ASAP1: variants seen among roughly 807,000 people sequenced by gnomAD.
ASAP1 encodes the protein ArfGAP with SH3 domain, ankyrin repeat and PH domain 1, also known as arf-GAP with SH3 domain, ANK repeat and PH domain-containing protein 1.
A neutral mutation model predicts 145.2 loss-of-function variants in ASAP1; 43 were observed. The observed-to-expected ratio is 0.30, with a 90% CI of 0.23 to 0.38. ASAP1 has a LOEUF of 0.38. ASAP1 is among the 10% of genes least tolerant of loss of function. ASAP1 has a pLI of 1.00. For missense variants in ASAP1, 1,018 were observed against 1,355.3 expected (o/e 0.75, Z 3.91); for synonymous variants, 546 against 515.5 (o/e 1.06, Z -0.80).
intron 3 of ASAP1, among the ~76,000 whole-genome samples, chr8:130,352,725 G>A (rs998515800): frequency 2.0e-5 from 3 of 152,230 alleles, no homozygotes; most frequent in African/African-American, 7.2e-5. Context: ...ATTGATGATA[G>A]TAGGGTGAAA....
At chr8:130,385,137 G>A (rs779662740) in intron 2 of ASAP1, among the ~76,000 whole-genome samples, 10 of 152,280 alleles carry the variant, frequency 6.6e-5, no homozygotes, top group Admixed American at 2.0e-4. Flanking sequence ...CAGAAGGCAC[G>A]TTGCTAGCTG....
intron 5 of ASAP1, among the ~76,000 whole-genome samples, chr8:130,205,110 T>A (rs1406658253): frequency 6.6e-6 from 1 of 152,218 alleles, no homozygotes. Flanking sequence ...TCTTTTCTTA[T>A]GGTCAATGAA....
chr8:130,337,802 C>T (rs906010877), intron 3 of ASAP1, among the ~76,000 whole-genome samples: 1 of 152,208 alleles, frequency 6.6e-6, no homozygotes, highest in African/African-American at 2.4e-5. Context: ...TAAGTCAGAA[C>T]AGAGAAGAGG....
At chr8:130,427,926 C>G (rs751738803) in intron 1 of ASAP1, 1 of 152,178 alleles carries the variant, frequency 6.6e-6, no homozygotes, top group Non-Finnish European at 1.5e-5. Flanking sequence ...CTACCTTCTT[C>G]TCAATTTCAA....
At chr8:130,080,715 A>T (rs555410997) in intron 25 of ASAP1, among the ~76,000 whole-genome samples, 16 of 151,946 alleles carry the variant, frequency 1.1e-4, no homozygotes, top group African/African-American at 3.6e-4. Context: ...TCACTGCAGC[A>T]TCGGCCTCCT....
At chr8:130,323,567 C>G (rs1049690778) in intron 3 of ASAP1, among the ~76,000 whole-genome samples, 1 of 152,140 alleles carries the variant, frequency 6.6e-6, no homozygotes, top group African/African-American at 2.4e-5. Flanking sequence ...GCTGAAAGTT[C>G]TATCTCATGT....
chr8:130,119,877 G>A (rs1222321947), intron 18 of ASAP1, among the ~76,000 whole-genome samples: 1 of 151,996 alleles, frequency 6.6e-6, no homozygotes, highest in Non-Finnish European at 1.5e-5. Flanking sequence ...TGCCTAAGAA[G>A]TGTTTTCTTC....
chr8:130,146,752 C>T (rs1429220750), intron 13 of ASAP1, among the ~76,000 whole-genome samples: 1 of 152,082 alleles, frequency 6.6e-6, no homozygotes, highest in Admixed American at 6.5e-5. Flanking sequence ...AGACCTTAGA[C>T]CCAAAGATCC....
At chr8:130,271,200 G>A (rs563842816) in intron 3 of ASAP1, among the ~76,000 whole-genome samples, 34 of 152,192 alleles carry the variant, frequency 2.2e-4, no homozygotes, top group African/African-American at 8.2e-4. Context: ...AACTGAACTC[G>A]ACCAGAAGAG....
intron 17 of ASAP1, among the ~76,000 whole-genome samples, chr8:130,124,463 T>A (rs2097571805): frequency 6.6e-6 from 1 of 152,236 alleles, no homozygotes; most frequent in African/African-American, 2.4e-5. Flanking sequence ...GCAGGCTCCA[T>A]ATGTGAGTCT....
At chr8:130,442,056 C>T (rs563672787) in intron 1 of ASAP1, among the ~76,000 whole-genome samples, 26 of 152,336 alleles carry the variant, frequency 1.7e-4, no homozygotes, top group African/African-American at 5.8e-4. Flanking sequence ...GCTGAATCTC[C>T]AAATCCACTT....
intron 2 of ASAP1, among the ~76,000 whole-genome samples, chr8:130,366,726 G>A (rs1167418295): frequency 6.6e-6 from 1 of 152,076 alleles, no homozygotes; most frequent in African/African-American, 2.4e-5. Context: ...ATTGTTAAAA[G>A]GAAGATGATG....
chr8:130,095,457 C>T (rs1305085113), intron 24 of ASAP1, among the ~76,000 whole-genome samples: 4 of 151,738 alleles, frequency 2.6e-5, no homozygotes, highest in East Asian at 1.9e-4. Flanking sequence ...TGTGCCACCA[C>T]GTCTGGCTAA....
At chr8:130,441,211 T>A (rs1192097777) in intron 1 of ASAP1, among the ~76,000 whole-genome samples, 4 of 152,200 alleles carry the variant, frequency 2.6e-5, no homozygotes, top group Non-Finnish European at 5.9e-5. Context: ...ACTTAGCAAA[T>A]GTTTCACTGG....
intron 3 of ASAP1, among the ~76,000 whole-genome samples, chr8:130,283,415 T>C (rs975307424): frequency 3.3e-5 from 5 of 151,644 alleles, no homozygotes; most frequent in Non-Finnish European, 7.4e-5. Flanking sequence ...TCGTCTCTAC[T>C]AAAAATACAA....
chr8:130,147,118 T>A (rs1461375108), intron 13 of ASAP1, among the ~76,000 whole-genome samples: 1 of 135,884 alleles, frequency 7.4e-6, no homozygotes, highest in Admixed American at 8.8e-5. Flanking sequence ...TCCCAGCTAC[T>A]CAGGAGGCTG....
chr8:130,368,492 G>A (rs1159441000), intron 2 of ASAP1, among the ~76,000 whole-genome samples: 1 of 152,182 alleles, frequency 6.6e-6, no homozygotes, highest in Non-Finnish European at 1.5e-5. Flanking sequence ...TTTCTAGACT[G>A]TCAGTCATGT....
intron 5 of ASAP1, among the ~76,000 whole-genome samples, chr8:130,191,003 T>TA (rs998648887): frequency 6.6e-6 from 1 of 152,048 alleles, no homozygotes; most frequent in African/African-American, 2.4e-5. Context: ...TAGATTCCAT[T>TA]AAAAAGATGA....
chr8:130,328,776 C>T (rs1824501212), intron 3 of ASAP1, among the ~76,000 whole-genome samples: 1 of 151,994 alleles, frequency 6.6e-6, no homozygotes, highest in Non-Finnish European at 1.5e-5. Flanking sequence ...GCACATGCCA[C>T]CATGCTCAAT....
Sources: allele counts gnomAD v4.1 joint callset (sites outside exome capture counted in the v4.1 genomes callset), GRCh38; gene constraint gnomAD v4.1.1; transcripts MANE v1.5; gene names NCBI Gene and HGNC (gene_info 2026-07-23, HGNC 2026-07-21).